The following TJP3 variants were observed in gnomAD, a reference collection of about 807,000 sequenced individuals.
TJP3 encodes tight junction protein ZO-3.
In TJP3, 85 loss-of-function variants were observed where a neutral mutation model predicts 104.2. That is an observed-to-expected ratio of 0.82 (90% CI 0.68 to 0.98). The LOEUF (loss-of-function observed/expected upper bound fraction) is 0.98. TJP3 is among the 50% of genes least tolerant of loss of function. TJP3 has a pLI of 0.00. For synonymous variants in TJP3, 550 were observed against 550.6 expected, an observed-to-expected ratio of 1.00 and a Z score of 0.02; for missense variants, 1,367 against 1,322.8, an observed-to-expected ratio of 1.03 and a Z score of -0.52.
intron 11 of TJP3, 67 bp from the exon 12 acceptor site, chr19:3,738,488 T>G (rs1568385185): frequency 7.1e-7 from 1 of 1,413,770 alleles, no homozygotes. Context: ...CAGAGGAAGG[T>G]CCAGGATCTC....
chr19:3,750,185 G>A lies in TJP3; in HGVS notation c.2657+1G>A, dbSNP rs754295283. ...GACAGTGGCGACAGGACAGCATGCG[G>A]TAAGAACCCCATATTCCAGATTGGG... On this transcript the variant is annotated splice_donor_variant, in intron 20 of 20. Coordinates refer to ENST00000541714, the MANE Select transcript of TJP3 (RefSeq NM_001267560.2). LOFTEE classifies it high-confidence loss of function. 3.1e-6 allele frequency: 5 copies of A among 1,603,146 alleles called. No homozygotes were observed. Among genetic ancestry groups the A allele is most frequent in the Non-Finnish European group, 4.2e-6 (5 of 1,176,582 alleles).
rs752064322 is a variant in TJP3, at chr19:3,730,498, C to G, written c.405C>G (p.Ser135=). 1.4e-5 allele frequency: 23 copies of G among 1,587,438 alleles called. No individual in the cohort carries two copies. In the Admixed American group the frequency reaches 3.5e-4, roughly 24 times the overall value. Residue 135 remains serine (S), a synonymous_variant, in exon 5 of 21, where the codon TCC becomes TCG. Coordinates refer to ENST00000541714, the MANE Select transcript of TJP3 (RefSeq NM_001267560.2). The surrounding 1 kb of genome is among the most constrained non-coding windows in gnomAD (Gnocchi z 7.3). ...GCCGGGGCTATGACGGCGACTCATC[C>G]AGTGGCTCCGGCCGCTCCTGGGACG... is the stretch of plus-strand genomic sequence containing the variant. The part of the protein sequence containing the change: ...DQGRGYDGDS[S]SGSGRSWDER...
In TJP3 at chr19:3,734,407, C is replaced by T. The variant is rs747982782; in HGVS notation, c.958C>T (p.Pro320Ser). 2 of 1,611,788 alleles carry T rather than the reference C, an allele frequency of 1.2e-6. No homozygotes were observed. The highest frequency in any genetic ancestry group is 1.7e-5 in the Admixed American group (1 of 59,782). Residue 320 changes from proline to serine, a missense_variant, in exon 8 of 21, where the codon CCC becomes TCC. Pro to Ser is a moderately conservative substitution (Grantham distance 74). Transcript: ENST00000541714. ...ACCACCCCGGCATGCTCAGCGGAGC[C>T]CCGAGGCCAGCCAGACCGACTCTCC... The part of the protein sequence containing the change: ...PPPPRHAQRS[P>S]EASQTDSPVE...
chr19:3,735,976 A>G, intron 10 of TJP3, 41 bp downstream of exon 10: 3 of 1,611,234 alleles, frequency 1.9e-6, no homozygotes, highest in Non-Finnish European at 2.5e-6. Context: ...CAAAACTCCT[A>G]CATCCCAGGC....
chr19:3,709,706 G>C (rs1026403873), intron 1 of TJP3, among the ~76,000 whole-genome samples: 2 of 152,138 alleles, frequency 1.3e-5, no homozygotes, highest in African/African-American at 4.8e-5. Context: ...AGCTCCCAGG[G>C]AGCAGGCTTG....
intron 19 of TJP3, 32 bp from the exon 20 acceptor site, chr19:3,750,106 G>A (rs1041580041): frequency 1.2e-6 from 2 of 1,613,918 alleles, no homozygotes; most frequent in African/African-American, 1.3e-5. Context: ...TCTGGGGGGA[G>A]TTTTGAAGCT....
chr19:3,730,110 T>C lies in TJP3; in HGVS notation c.241T>C (p.Cys81Arg). ...SAFAIQILKT[C>R]TKMANITVKR... ...GTTTGCCATTCAGATACTCAAGACC[T>C]GCACCAAGATGGCCAACATCGTGAG... Residue 81 changes from cysteine (C) to arginine (R), a missense_variant, in exon 4 of 21, where the codon TGC becomes CGC. Cys to Arg is a radical substitution (Grantham distance 180, BLOSUM62 -3). Coordinates refer to ENST00000541714, the MANE Select transcript of TJP3 (RefSeq NM_001267560.2). This position sits in a 1 kb window ranked among gnomAD's most constrained non-coding sequence, Gnocchi z 7.3. 6.2e-7 allele frequency: 1 copy of C among 1,614,148 alleles called. No homozygotes were observed. The highest frequency in any genetic ancestry group is 8.5e-7 in the Non-Finnish European group (1 of 1,180,018).
In TJP3 at chr19:3,731,958, C is replaced by G; in HGVS notation, c.637C>G (p.Gln213Glu). The G allele has an allele frequency of 1.9e-6, 3 of 1,613,524 alleles. No homozygotes were observed. Residue 213 changes from glutamine to glutamate, a missense_variant, in exon 6 of 21, where the codon CAG becomes GAG. Coordinates refer to ENST00000541714, the MANE Select transcript of TJP3 (RefSeq NM_001267560.2). ...SEEFGVKLGS[Q>E]IFIKHITDSG... is the part of the protein sequence containing the mutation. ...AGAGTTTGGCGTCAAGCTGGGCAGT[C>G]AGATCTTCATCAAGCACATTACAGA...
At chr19:3,741,599 C>A (rs1442148708) in intron 14 of TJP3, among the ~76,000 whole-genome samples, 1 of 146,466 alleles carries the variant, frequency 6.8e-6, no homozygotes, top group East Asian at 2.0e-4. Context: ...TGCACTCCAC[C>A]CTGGGCCACA....
chr19:3,736,350 C>T (rs1449886501), intron 11 of TJP3, 29 bp downstream of exon 11: 2 of 1,506,870 alleles, frequency 1.3e-6, no homozygotes, highest in Non-Finnish European at 1.8e-6. Flanking sequence ...GCCAGCCCCA[C>T]TGATCATGGG....
At chr19:3,748,170 C>A in intron 19 of TJP3, 89 bp downstream of exon 19, 1 of 1,430,136 alleles carries the variant, frequency 7.0e-7, no homozygotes, top group African/African-American at 1.4e-5. Context: ...CTGTTTTCTA[C>A]CAGGACGTCA....
intron 1 of TJP3, among the ~76,000 whole-genome samples, chr19:3,723,882 G>C (rs1454165450): frequency 6.6e-6 from 1 of 151,548 alleles, no homozygotes; most frequent in Admixed American, 6.6e-5. Flanking sequence ...TGGTTAGCTA[G>C]GTGGTCAGGG....
At chr19:3,724,364 T>G (rs1262531719) in intron 1 of TJP3, among the ~76,000 whole-genome samples, 3 of 151,938 alleles carry the variant, frequency 2.0e-5, no homozygotes, top group African/African-American at 4.8e-5. Context: ...CCCTGCTAAT[T>G]TTTTGTATTT....
chr19:3,718,615 T>C (rs1356577314), intron 1 of TJP3, among the ~76,000 whole-genome samples: 2 of 151,556 alleles, frequency 1.3e-5, no homozygotes, highest in Non-Finnish European at 2.9e-5. Flanking sequence ...ACTACAGACG[T>C]GCGCCACCAC....
At chr19:3,721,104 G>T (rs1311989912) in intron 1 of TJP3, among the ~76,000 whole-genome samples, 2 of 151,936 alleles carry the variant, frequency 1.3e-5, no homozygotes, top group South Asian at 2.1e-4. Context: ...GTTTCACCAT[G>T]TTGGTCAGGC....
chr19:3,734,627 G>C (rs748583536), intron 8 of TJP3, among the ~76,000 whole-genome samples, 192 bp downstream of exon 8: 6 of 152,204 alleles, frequency 3.9e-5, no homozygotes, highest in Non-Finnish European at 7.3e-5. Context: ...ATTTGTAGGT[G>C]TTGGTTACAG....
At position 3,746,816 on chromosome 19, in the gene TJP3, G is replaced by A. The variant is rs1325253799; in HGVS notation, c.2262G>A (p.Gln754=). 3 of 1,612,112 alleles carry A rather than the reference G, an allele frequency of 1.9e-6. No homozygotes were observed. Among genetic ancestry groups the A allele is most frequent in the Non-Finnish European group, 2.5e-6 (3 of 1,179,262 alleles). ...ATGGCACGAGTGACACCTGGTACCA[G>A]GAGCTCAAGGCCATCATTCGAGAGC... is the stretch of plus-strand genomic sequence containing the variant. ...PLNGTSDTWY[Q]ELKAIIREQQ... is the part of the protein sequence containing the mutation. The change falls in exon 18 of 21, where the codon CAG becomes CAA. Residue 754 remains glutamine (Q), a synonymous_variant. Transcript: ENST00000541714. This position sits in a 1 kb window ranked among gnomAD's most constrained non-coding sequence, Gnocchi z 4.1.
Position 3,732,050 on chromosome 19 carries a change from C to T in TJP3, c.717+12C>T, listed in dbSNP as rs749849463. 5.6e-6 allele frequency: 9 copies of T among 1,607,448 alleles called. No homozygotes were observed. In the East Asian group the frequency reaches 2.0e-4, roughly 36 times the overall value. On this transcript the variant is annotated intron_variant, in intron 6 of 20. Coordinates refer to ENST00000541714, the MANE Select transcript of TJP3 (RefSeq NM_001267560.2). ...ATCTCATTCTACAGGTGAGGCCGGGCTTCTTGTCCTGAGAGCAGGGAGACA... is the reference window on the plus strand; with the variant it reads ...ATCTCATTCTACAGGTGAGGCCGGGTTTCTTGTCCTGAGAGCAGGGAGACA...
At chr19:3,736,351 TGATCATGGGCGTGCAGTGTGCTAG>T in intron 11 of TJP3, 30 bp downstream of exon 11, 1 of 1,504,296 alleles carries the variant, frequency 6.6e-7, no homozygotes, top group Non-Finnish European at 8.9e-7. Flanking sequence ...CCAGCCCCAC[TGATCATGGGCGTGCAGTGTGCTAG>T]GTCCTGCCCT....
Sources: gnomAD v4.1 joint callset for allele counts (sites outside exome capture counted in the v4.1 genomes callset) on GRCh38, gnomAD v4.1.1 for gene constraint, Gnocchi (gnomAD v3.1) non-coding constraint, MANE v1.5 for transcripts, NCBI Gene and HGNC (gene_info 2026-07-23, HGNC 2026-07-21) for gene names.